Variants in SPATA17 observed in about 807,000 individuals in gnomAD.
SPATA17 encodes the protein spermatogenesis-associated protein 17.
In SPATA17, 53 loss-of-function variants were observed where a neutral mutation model predicts 62.2. The ratio of observed to expected loss-of-function variants is 0.85; its 90% CI spans 0.68 to 1.07. SPATA17 has a LOEUF of 1.07. Ranked by LOEUF, SPATA17 falls within the 50% of genes least tolerant of loss-of-function variation. The pLI, the probability that SPATA17 is intolerant of heterozygous loss-of-function variation, is 0.00. For synonymous variants in SPATA17, 146 were observed against 146.8 expected, an observed-to-expected ratio of 0.99 and a Z score of 0.04; for missense variants, 466 against 425.5, an observed-to-expected ratio of 1.10 and a Z score of -0.84.
rs950632511 is a variant in SPATA17, at chr1:217,674,434, C to G, written c.291+5351C>G. Among the ~76,000 whole-genome samples, 2 of 152,204 alleles carry G rather than the reference C, an allele frequency of 1.3e-5. 1 individual carries two copies. The highest frequency in any genetic ancestry group is 4.8e-5 in the African/African-American group (2 of 41,450). On this transcript the variant is annotated intron_variant, in intron 4 of 10. Coordinates refer to ENST00000366933, the MANE Select transcript of SPATA17 (RefSeq NM_138796.4). ...TGCCTCATCTACTCAGCCTGCCTGG[C>G]TGTGCCTGGCTTGTGCTCCAGCTGC...
chr1:217,637,041 G>A (rs866971200), intron 1 of SPATA17, among the ~76,000 whole-genome samples: 6 of 152,272 alleles, frequency 3.9e-5, no homozygotes, highest in South Asian at 2.1e-4. Flanking sequence ...GTTCTCTAGA[G>A]ACATGCTATA....
intron 1 of SPATA17, among the ~76,000 whole-genome samples, chr1:217,646,004 A>G (rs1157385321): frequency 6.6e-6 from 1 of 151,992 alleles, no homozygotes; most frequent in Non-Finnish European, 1.5e-5. Context: ...AGTATCTTTT[A>G]CTGTAAATCT....
intron 9 of SPATA17, among the ~76,000 whole-genome samples, chr1:217,837,016 TG>T (rs1370898167): frequency 6.6e-6 from 1 of 152,112 alleles, no homozygotes; most frequent in Non-Finnish European, 1.5e-5. Context: ...GATGTAGAAT[TG>T]TGGGAGTAAA....
Position 217,870,363 on chromosome 1 carries a change from C to T in SPATA17, c.*3344C>T, listed in dbSNP as rs1676106292. On this transcript the variant is annotated 3_prime_UTR_variant, in exon 11 of 11. Transcript: ENST00000366933. ...ATGTAAGTAATATCATTGTCCTTAA[C>T]CACCATCTGCCTCTCCCCCCAGACA... 6.6e-6 allele frequency: 1 copy of T among 152,130 alleles called. No homozygotes were observed. The highest frequency in any genetic ancestry group is 2.1e-4 in the South Asian group (1 of 4,834). 9.4% of individuals were successfully genotyped at this position (152,130 alleles called of 1,614,324 possible). A position where few individuals can be genotyped will look rare whatever the true frequency, so the allele number is the denominator to read the frequency against.
At chr1:217,824,095 G>T (rs1674931452) in intron 9 of SPATA17, among the ~76,000 whole-genome samples, 1 of 151,894 alleles carries the variant, frequency 6.6e-6, no homozygotes, top group South Asian at 2.1e-4. Flanking sequence ...TTTAACTGGA[G>T]AATTTAATCC....
chr1:217,845,221 A>G (rs192453751), intron 9 of SPATA17, among the ~76,000 whole-genome samples: 8 of 152,162 alleles, frequency 5.3e-5, no homozygotes, highest in Admixed American at 4.6e-4. Flanking sequence ...ATGTCTTTTA[A>G]CATGTGGACC....
chr1:217,719,276 T>G (rs1672072323), intron 5 of SPATA17, among the ~76,000 whole-genome samples: 1 of 152,240 alleles, frequency 6.6e-6, no homozygotes, highest in Non-Finnish European at 1.5e-5. Flanking sequence ...GATTTATTGT[T>G]TGCTGTGAAT....
chr1:217,772,758 G>A (rs182545540), intron 6 of SPATA17, among the ~76,000 whole-genome samples: 10 of 152,258 alleles, frequency 6.6e-5, no homozygotes, highest in Admixed American at 5.2e-4. Context: ...CTAGGCCCTG[G>A]GGTTGCAAAA....
chr1:217,697,090 C>T (rs1671476393), intron 5 of SPATA17, among the ~76,000 whole-genome samples: 3 of 152,172 alleles, frequency 2.0e-5, no homozygotes, highest in African/African-American at 7.2e-5. Flanking sequence ...CTCACTGCAA[C>T]CTCTGCCTCC....
At chr1:217,721,202 C>G (rs1401119668) in intron 5 of SPATA17, among the ~76,000 whole-genome samples, 4 of 152,172 alleles carry the variant, frequency 2.6e-5, no homozygotes, top group African/African-American at 9.7e-5. Flanking sequence ...TTTACTTTGG[C>G]TTAATACAGT....
chr1:217,636,302 G>A (rs748987972), intron 1 of SPATA17, among the ~76,000 whole-genome samples: 3 of 152,224 alleles, frequency 2.0e-5, no homozygotes, highest in African/African-American at 4.8e-5. Flanking sequence ...GAATAATGCT[G>A]AAGTTGAAAG....
At chr1:217,763,369 G>A (rs546928729) in intron 6 of SPATA17, among the ~76,000 whole-genome samples, 1 of 151,538 alleles carries the variant, frequency 6.6e-6, no homozygotes, top group African/African-American at 2.4e-5. Flanking sequence ...AAGGATGAGT[G>A]TGATTTGGCC....
At chr1:217,774,252 G>GA in intron 6 of SPATA17, 82 bp from the exon 7 acceptor site, 2 of 1,217,528 alleles carry the variant, frequency 1.6e-6, no homozygotes, top group South Asian at 2.9e-5. Flanking sequence ...TTAAACATAA[G>GA]AAAAAATTTC....
intron 9 of SPATA17, among the ~76,000 whole-genome samples, chr1:217,816,137 T>C (rs1674709955): frequency 6.6e-6 from 1 of 152,000 alleles, no homozygotes; most frequent in East Asian, 1.9e-4. Context: ...CTGAAAAAAT[T>C]TATAGATTAA....
At position 217,801,795 on chromosome 1, in the gene SPATA17, T is replaced by C. The variant is rs756901105; in HGVS notation, c.950T>C (p.Ile317Thr). ...CATTTATCAAGCAAGTATGGTCCTA[T>C]TTCTTACAAAGAACAATTCCGAAGT... The part of the protein sequence containing the change: ...SMHLSSKYGP[I>T]SYKEQFRSEN... Residue 317 changes from isoleucine to threonine, a missense_variant, in exon 9 of 11, where the codon ATT (isoleucine) becomes ACT (threonine). By Grantham distance (89) the Ile-to-Thr change is moderately conservative (BLOSUM62 -1). Transcript: ENST00000366933. 1 of 1,611,856 alleles carries C rather than the reference T, an allele frequency of 6.2e-7. No homozygotes were observed. Among genetic ancestry groups the C allele is most frequent in the South Asian group, 1.1e-5 (1 of 90,584 alleles).
intron 6 of SPATA17, among the ~76,000 whole-genome samples, chr1:217,751,209 G>A (rs1318333198): frequency 6.6e-6 from 1 of 152,188 alleles, no homozygotes; most frequent in African/African-American, 2.4e-5. Context: ...ATGTAATTTA[G>A]ATATCTGTGG....
At chr1:217,722,018 G>C (rs1259733931) in intron 5 of SPATA17, among the ~76,000 whole-genome samples, 1 of 152,140 alleles carries the variant, frequency 6.6e-6, no homozygotes, top group African/African-American at 2.4e-5. Context: ...GGTTGGAAGA[G>C]GCAGGATTGT....
intron 9 of SPATA17, among the ~76,000 whole-genome samples, chr1:217,860,634 A>ATT (rs1330888971): frequency 1.2e-4 from 18 of 151,934 alleles, no homozygotes; most frequent in African/African-American, 3.9e-4. Context: ...TCTGAAATCT[A>ATT]TTTTGTCTGA....
chr1:217,769,524 T>C (rs1673387004), intron 6 of SPATA17, among the ~76,000 whole-genome samples: 1 of 152,222 alleles, frequency 6.6e-6, no homozygotes, highest in South Asian at 2.1e-4. Context: ...TGGTGTTCTT[T>C]AGGGCTGGAG....
Sources: gnomAD v4.1 joint callset for allele counts (sites outside exome capture counted in the v4.1 genomes callset) on GRCh38, gnomAD v4.1.1 for gene constraint, MANE v1.5 for transcripts, NCBI Gene and HGNC (gene_info 2026-07-23, HGNC 2026-07-21) for gene names.